Variants in KIAA1210 observed in about 807,000 individuals in gnomAD.
KIAA1210 encodes the protein acrosomal protein KIAA1210.
Under a neutral mutation model 78.9 loss-of-function variants are expected in KIAA1210, and 48 were observed. That is an observed-to-expected ratio of 0.61 (90% confidence interval 0.48 to 0.77). KIAA1210 has a LOEUF of 0.77. Among genes scored for constraint, KIAA1210 ranks in the 30% least tolerant of loss-of-function variants. The probability of loss-of-function intolerance (pLI) is 0.00; values close to 1 mark genes in which losing one functional copy is unlikely to be tolerated. For missense variants in KIAA1210, 1,108 were observed against 1,100.0 expected, an observed-to-expected ratio of 1.01 and a Z score of -0.10; for synonymous variants, 406 against 404.5, an observed-to-expected ratio of 1.00 and a Z score of -0.04.
At chrX:119,128,592 C>T (rs144124185), upstream of KIAA1210, among the ~76,000 whole-genome samples, 181 of 112,011 alleles carry the variant, frequency 1.6e-3, 1 homozygote, top group African/African-American at 5.4e-3. Flanking sequence ...TGTTACTTCC[C>T]CCAGAGAGCA....
At chrX:119,121,046 A>G (rs1357164237) in intron 2 of KIAA1210, among the ~76,000 whole-genome samples, 1 of 111,225 alleles carries the variant, frequency 9.0e-6, no homozygotes, top group Non-Finnish European at 1.9e-5. Context: ...CCACTATCCC[A>G]TGAATGAAGA....
Position 119,098,023 on chromosome X carries a change from C to G in KIAA1210, c.649-1332G>C, listed in dbSNP as rs147659514. 3.6e-5 allele frequency among the ~76,000 whole-genome samples: 4 copies of G among 112,008 alleles called. No homozygotes were observed. The East Asian group carries it at 1.1e-3, about 31-fold the overall frequency. On this transcript the variant is annotated intron_variant, in intron 6 of 11. Transcript: ENST00000691062. Reference sequence around the variant, plus strand: ...GACTAAAAGCTCTTCTTTTATTGTTCTGAACATCTTTCATACCTCAGAGTG... The same window carrying G: ...GACTAAAAGCTCTTCTTTTATTGTTGTGAACATCTTTCATACCTCAGAGTG...
At chrX:119,082,019 C>G (rs1224892055) in intron 11 of KIAA1210, among the ~76,000 whole-genome samples, 2 of 111,915 alleles carry the variant, frequency 1.8e-5, no homozygotes, top group Admixed American at 1.9e-4. Context: ...AGACTACCTC[C>G]CTATTCCTAA....
chrX:119,115,843 G>A (rs952256267), intron 3 of KIAA1210, among the ~76,000 whole-genome samples: 23 of 111,925 alleles, frequency 2.1e-4, no homozygotes, highest in African/African-American at 6.8e-4. Context: ...TCTGAACAGC[G>A]GTGGCAGTGG....
intron 2 of KIAA1210, among the ~76,000 whole-genome samples, chrX:119,120,952 T>G (rs991434180): frequency 9.0e-6 from 1 of 110,924 alleles, no homozygotes; most frequent in Non-Finnish European, 1.9e-5. Flanking sequence ...AGACATACAA[T>G]GTCAGTAGCA....
chrX:119,122,186 C>T (rs1928488708), intron 2 of KIAA1210, among the ~76,000 whole-genome samples: 1 of 106,604 alleles, frequency 9.4e-6, no homozygotes, highest in South Asian at 4.2e-4. Context: ...TTGCCTCAGC[C>T]TCCCGAGTAG....
upstream of KIAA1210, among the ~76,000 whole-genome samples, chrX:119,128,565 A>G (rs778350119): frequency 1.9e-4 from 21 of 111,914 alleles, no homozygotes; most frequent in African/African-American, 6.5e-4. Context: ...GCTTTCTTGC[A>G]TCATTCAAGC....
chrX:119,099,429 A>C lies in KIAA1210; in HGVS notation c.649-2738T>G, dbSNP rs546716260. 7.1e-5 allele frequency among the ~76,000 whole-genome samples: 8 copies of C among 112,322 alleles called. No individual in the cohort carries two copies. The South Asian group carries it at 3.0e-3, about 42-fold the overall frequency. ...TTGACTCTCACTAAGGAATCTATAG[A>C]CATCAGTCTAAACACAGACCCACAT... On this transcript the variant is annotated intron_variant, in intron 6 of 11. Coordinates refer to ENST00000691062, the MANE Select transcript of KIAA1210 (RefSeq NM_001394962.1).
At chrX:119,125,735 A>ATATATATATATAT (rs5903546) in intron 1 of KIAA1210, among the ~76,000 whole-genome samples, 178 of 15,800 alleles carry the variant, frequency 0.011, 30 homozygotes, top group South Asian at 0.028. Flanking sequence ...ATATATATAT[A>ATATATATATATAT]TTTTTTTTTT....
intron 2 of KIAA1210, among the ~76,000 whole-genome samples, chrX:119,147,161 G>A (rs1343354707): frequency 1.8e-5 from 2 of 111,108 alleles, no homozygotes; most frequent in African/African-American, 6.6e-5. Flanking sequence ...GGGTTCCGGA[G>A]AACTGGTTGC....
chrX:119,087,016 G>A lies in KIAA1210; in HGVS notation c.3686C>T (p.Ala1229Val). Reference protein sequence around the residue: ...NWFLGRDEAFAIKTKKFSQGS... With the variant: ...NWFLGRDEAFVIKTKKFSQGS... Reference sequence around the variant, plus strand: ...TTGGCTGAATTTCTTGGTTTTGATTGCAAAAGCTTCATCTCTTCCTAGGAA... The same window carrying A: ...TTGGCTGAATTTCTTGGTTTTGATTACAAAAGCTTCATCTCTTCCTAGGAA... The change falls in exon 9 of 12, where the codon GCA becomes GTA. Residue 1229 changes from alanine (A) to valine (V), a missense_variant. Transcript: ENST00000691062. 1 of 1,211,134 alleles carries A rather than the reference G, an allele frequency of 8.3e-7. No individual in the cohort carries two copies. Among genetic ancestry groups the A allele is most frequent in the Non-Finnish European group, 1.1e-6 (1 of 895,100 alleles).
chrX:119,102,252 T>A (rs1927756238), intron 6 of KIAA1210, among the ~76,000 whole-genome samples: 1 of 113,059 alleles, frequency 8.8e-6, no homozygotes, highest in Non-Finnish European at 1.9e-5. Context: ...ACAGAGTTAT[T>A]GAGAGAATCA....
In KIAA1210 at chrX:119,123,108, A is replaced by G. The variant is rs139450290; in HGVS notation, c.61+474T>C. Among the ~76,000 whole-genome samples the G allele has an allele frequency of 1.4e-4, 16 of 112,421 alleles. No homozygotes were observed. In the East Asian group the frequency reaches 4.4e-3, roughly 31 times the overall value. Reference sequence around the variant, plus strand: ...TTCCATGCATGATCACCTATCACTCATAGATTGTGCCACAATTTAGGCAAT... The same window carrying G: ...TTCCATGCATGATCACCTATCACTCGTAGATTGTGCCACAATTTAGGCAAT... On this transcript the variant is annotated intron_variant, in intron 2 of 11. Coordinates refer to ENST00000691062, the MANE Select transcript of KIAA1210 (RefSeq NM_001394962.1).
At chrX:119,093,049 A>G (rs1927435993) in intron 8 of KIAA1210, among the ~76,000 whole-genome samples, 2 of 111,631 alleles carry the variant, frequency 1.8e-5, no homozygotes, top group African/African-American at 6.5e-5. Context: ...GCCAACATCC[A>G]CATATGCACC....
At position 119,096,738 on chromosome X, in the gene KIAA1210, C is replaced by G. The variant is rs747640482; in HGVS notation, c.649-47G>C. On this transcript the variant is annotated intron_variant, in intron 6 of 11. Coordinates refer to ENST00000691062, the MANE Select transcript of KIAA1210 (RefSeq NM_001394962.1). ...AGACGAGTCAACCCGTATGCTGTTA[C>G]TGGTCTCAAAAGTTGGATATTCTTC... 4 of 980,667 alleles carry G rather than the reference C, an allele frequency of 4.1e-6. No individual in the cohort carries two copies. The East Asian group carries it at 1.3e-4, about 32-fold the overall frequency. 80.8% of individuals were successfully genotyped at this position (980,667 alleles called of 1,213,427 possible). A position where few individuals can be genotyped will look rare whatever the true frequency, so the allele number is the denominator to read the frequency against.
intron 3 of KIAA1210, among the ~76,000 whole-genome samples, chrX:119,112,228 C>T (rs763695147): frequency 9.0e-6 from 1 of 111,543 alleles, no homozygotes; most frequent in East Asian, 2.8e-4. Flanking sequence ...TCAGGTAGTT[C>T]TTTATAGCAG....
rs754264307 is a variant in KIAA1210, at chrX:119,109,084, G to A, written c.349C>T (p.Pro117Ser). 1.9e-5 allele frequency: 23 copies of A among 1,207,810 alleles called. No individual in the cohort carries two copies. The East Asian group carries it at 4.4e-4, about 23-fold the overall frequency. Residue 117 changes from proline (P) to serine (S), a missense_variant, in exon 4 of 12, where the codon CCT (proline) becomes TCT (serine). Pro to Ser is a moderately conservative substitution (Grantham distance 74). Around this residue, in one of 5 missense-constraint regions of KIAA1210, gnomAD observed 672 missense variants for 607.1 expected, o/e 1.11. Coordinates refer to ENST00000691062, the MANE Select transcript of KIAA1210 (RefSeq NM_001394962.1). Reference protein sequence around the residue: ...FPSMDPQRGRPQQRSHISRTL... With the variant: ...FPSMDPQRGRSQQRSHISRTL... Reference sequence around the variant, plus strand: ...CTCGAGTCCACTATTACCTGCTGAGGTCTGCCTCTCTGGGGATCCATAGAA... The same window carrying A: ...CTCGAGTCCACTATTACCTGCTGAGATCTGCCTCTCTGGGGATCCATAGAA...
At chrX:119,122,902 T>G (rs1046104006) in intron 2 of KIAA1210, among the ~76,000 whole-genome samples, 32 of 112,303 alleles carry the variant, frequency 2.8e-4, no homozygotes, top group African/African-American at 9.1e-4. Flanking sequence ...CAAAGTTTTC[T>G]GTACCATACA....
At position 119,092,845 on chromosome X, in the gene KIAA1210, C is replaced by A. The variant is rs1039772135; in HGVS notation, c.955+822G>T. On this transcript the variant is annotated intron_variant, in intron 8 of 11. Coordinates refer to ENST00000691062, the MANE Select transcript of KIAA1210 (RefSeq NM_001394962.1). The stretch of plus-strand genomic sequence containing the variant: ...ACAAAAGAGTACTCATTTAATCTTC[C>A]TTTTTCTTTTTTTTTCTGGAGGGTT... Among the ~76,000 whole-genome samples, 4 of 110,166 alleles carry A rather than the reference C, an allele frequency of 3.6e-5. No individual in the cohort carries two copies. The Admixed American group carries it at 3.9e-4, about 11-fold the overall frequency.
Sources: allele counts gnomAD v4.1 joint callset (sites outside exome capture counted in the v4.1 genomes callset), GRCh38; gene constraint gnomAD v4.1.1; regional missense constraint gnomAD v4.1.1; transcripts MANE v1.5; gene names NCBI Gene and HGNC (gene_info 2026-07-23, HGNC 2026-07-21).